Variants in PIDD1 observed in about 807,000 individuals in gnomAD.
The protein encoded by PIDD1 is p53-induced death domain-containing protein 1.
A neutral mutation model predicts 80.0 loss-of-function variants in PIDD1; 72 were observed. The ratio of observed to expected loss-of-function variants is 0.90; its 90% CI spans 0.74 to 1.09. The LOEUF (loss-of-function observed/expected upper bound fraction) is 1.09. PIDD1 is among the 50% of genes least tolerant of loss of function. The probability of loss-of-function intolerance (pLI) is 0.00; values close to 1 mark genes in which losing one functional copy is unlikely to be tolerated. For synonymous variants in PIDD1, 655 were observed against 543.5 expected, an observed-to-expected ratio of 1.21 and a Z score of -2.85; for missense variants, 1,329 against 1,228.3, an observed-to-expected ratio of 1.08 and a Z score of -1.23.
rs1565066374 is a variant in PIDD1 at position 803,318 on chromosome 11, C to T, written c.565G>A (p.Ala189Thr). ...TGCAGGGTGGATAGGGCCCCCAGTG[C>T]TGGGGGCAGCGTCTGCAGGCGGTTG... ...THNRLQTLPP[A>T]LGALSTLQRL... The change falls in exon 3 of 16, where the codon GCA (alanine) becomes ACA (threonine). Residue 189 changes from alanine (A) to threonine (T), a missense_variant. Transcript: ENST00000347755. The T allele has an allele frequency of 6.2e-7, 1 of 1,613,824 alleles. No individual in the cohort carries two copies. The highest frequency in any genetic ancestry group is 1.7e-5 in the Admixed American group (1 of 59,996).
chr11:808,086 G>C (rs1355908489), upstream of PIDD1, among the ~76,000 whole-genome samples: 1 of 151,368 alleles, frequency 6.6e-6, no homozygotes, highest in Non-Finnish European at 1.5e-5. Context: ...GGGGAGCAGG[G>C]AATAGGGACT....
chr11:805,522 C>T (rs1259504073), upstream of PIDD1: 1 of 765,616 alleles, frequency 1.3e-6, no homozygotes, highest in African/African-American at 1.9e-5. Context: ...TTCCGAGGTT[C>T]TCGGGGCCCC....
upstream of PIDD1, among the ~76,000 whole-genome samples, chr11:806,463 G>A (rs111867840): frequency 1.3e-5 from 2 of 152,216 alleles, no homozygotes; most frequent in Admixed American, 1.3e-4. Context: ...CATATCGGCG[G>A]CTCCTTCTTC....
chr11:808,830 G>A (rs1865913951), upstream of PIDD1, among the ~76,000 whole-genome samples: 1 of 152,232 alleles, frequency 6.6e-6, no homozygotes, highest in South Asian at 2.1e-4. Flanking sequence ...ATGATAACGA[G>A]GCCACAGAAG....
chr11:806,440 T>G (rs995534493), upstream of PIDD1, among the ~76,000 whole-genome samples: 1 of 152,218 alleles, frequency 6.6e-6, no homozygotes, highest in Non-Finnish European at 1.5e-5. Flanking sequence ...TATGCCTGCT[T>G]CTTTCCTGAG....
At chr11:804,005 G>GCTGGGA in intron 2 of PIDD1, 89 bp downstream of exon 2, 1 of 1,412,494 alleles carries the variant, frequency 7.1e-7, no homozygotes, top group Non-Finnish European at 9.5e-7. Context: ...TGGAGCTGGG[G>GCTGGGA]CTGGGACTGG....
intron 11 of PIDD1, 23 bp from the exon 12 acceptor site, chr11:800,689 C>A: frequency 6.4e-7 from 1 of 1,567,356 alleles, no homozygotes. Flanking sequence ...CCGTGCAGCT[C>A]AGGACCCAAA....
Position 800,690 on chromosome 11 carries a change from AG to A in PIDD1, c.1918-25del, listed in dbSNP as rs766359496. 2.9e-5 allele frequency: 45 copies of A among 1,566,084 alleles called. 1 individual carries two copies. The Admixed American group carries it at 5.8e-4, about 20-fold the overall frequency. Reference sequence around the variant, plus strand: ...ACCTGCGGGGAAGCCCGTGCAGCTCAGGACCCAAAGCTCTGCACCCCACCCC... The same window carrying A: ...ACCTGCGGGGAAGCCCGTGCAGCTCAGACCCAAAGCTCTGCACCCCACCCC... On this transcript the variant is annotated intron_variant, in intron 11 of 15. Coordinates refer to ENST00000347755, the MANE Select transcript of PIDD1 (RefSeq NM_145886.4).
chr11:802,187 G>A lies in PIDD1; in HGVS notation c.1176+8C>T. The A allele has an allele frequency of 1.3e-6, 2 of 1,596,828 alleles. No individual in the cohort carries two copies. The highest frequency in any genetic ancestry group is 4.5e-5 in the East Asian group (2 of 44,108). ...CCACACACTGCCCCCGCCACGCCCT[G>A]TCCATGCCTGCTGGAAGGCCACCCC... On this transcript the variant is annotated splice_region_variant and intron_variant, in intron 6 of 15. Coordinates refer to ENST00000347755, the MANE Select transcript of PIDD1 (RefSeq NM_145886.4).
chr11:804,039 C>T, intron 2 of PIDD1, 55 bp downstream of exon 2: 1 of 1,531,228 alleles, frequency 6.5e-7, no homozygotes, highest in Non-Finnish European at 8.8e-7. Context: ...GAACATGCAG[C>T]AGAGGCAGGG....
At position 801,379 on chromosome 11, in the gene PIDD1, G is replaced by A. The variant is rs373120465; in HGVS notation, c.1483-14C>T. 59 of 1,603,616 alleles carry A rather than the reference G, an allele frequency of 3.7e-5. No homozygotes were observed. Among genetic ancestry groups the A allele is most frequent in the Non-Finnish European group, 4.9e-5 (57 of 1,175,040 alleles). On this transcript the variant is annotated splice_polypyrimidine_tract_variant and intron_variant, in intron 8 of 15. Transcript: ENST00000347755. ...CATGCGCACCACCTGGGGCAGACAGGCCCCCTGAGCACCTGCCTGTGGGCT... is the reference window on the plus strand; with the variant it reads ...CATGCGCACCACCTGGGGCAGACAGACCCCCTGAGCACCTGCCTGTGGGCT...
upstream of PIDD1, chr11:805,712 A>AAGACCC (rs1001348826): frequency 2.0e-6 from 2 of 983,774 alleles, no homozygotes; most frequent in East Asian, 2.3e-4. Context: ...TGGGCCTGCA[A>AAGACCC]AGACCCTTCC....
In PIDD1 at chr11:802,557, G is replaced by A. The variant is rs922741815; in HGVS notation, c.960C>T (p.Thr320=). 4.6e-5 allele frequency: 74 copies of A among 1,613,310 alleles called. No individual in the cohort carries two copies. Among genetic ancestry groups the A allele is most frequent in the Non-Finnish European group, 5.8e-5 (69 of 1,179,774 alleles). ...CCACCCCATACCTGTCCAAATCTGAGGTCAGGAACAGTCTGGGCATTTCTG... is the reference window on the plus strand; with the variant it reads ...CCACCCCATACCTGTCCAAATCTGAAGTCAGGAACAGTCTGGGCATTTCTG... ...LIPEMPRLFL[T]SDLDSFPVTP... The change falls in exon 5 of 16, where the codon ACC becomes ACT. Residue 320 remains threonine (T), a synonymous_variant. Transcript: ENST00000347755.
chr11:802,604 A>G lies in PIDD1; in HGVS notation c.920-7T>C, dbSNP rs755815989. On this transcript the variant is annotated splice_region_variant and splice_polypyrimidine_tract_variant and intron_variant, in intron 4 of 15. Transcript: ENST00000347755. Reference sequence around the variant, plus strand: ...TCTGGAATGAGGGCTGCCACTGTGCAGGGGACAGACATGTGCTCAGGACAG... The same window carrying G: ...TCTGGAATGAGGGCTGCCACTGTGCGGGGGACAGACATGTGCTCAGGACAG... 1 of 1,612,760 alleles carries G rather than the reference A, an allele frequency of 6.2e-7. No homozygotes were observed. The highest frequency in any genetic ancestry group is 8.5e-7 in the Non-Finnish European group (1 of 1,179,482).
Position 804,395 on chromosome 11 carries a change from C to T in PIDD1, c.-7G>A, listed in dbSNP as rs768684279. 2 of 1,581,202 alleles carry T rather than the reference C, an allele frequency of 1.3e-6. No individual in the cohort carries two copies. The highest frequency in any genetic ancestry group is 2.3e-5 in the South Asian group (2 of 87,834). Reference sequence around the variant, plus strand: ...CCTCCACCGTTGCAGCCATCGCCCACCGACGGTCCTTGGAGGCCAGACATG... The same window carrying T: ...CCTCCACCGTTGCAGCCATCGCCCATCGACGGTCCTTGGAGGCCAGACATG... On this transcript the variant is annotated 5_prime_UTR_variant, in exon 2 of 16. It adds an upstream start codon to the 5' untranslated region. Coordinates refer to ENST00000347755, the MANE Select transcript of PIDD1 (RefSeq NM_145886.4).
upstream of PIDD1, among the ~76,000 whole-genome samples, chr11:806,460 G>C (rs1865776479): frequency 6.6e-6 from 1 of 152,184 alleles, no homozygotes; most frequent in Non-Finnish European, 1.5e-5. Context: ...GGTCATATCG[G>C]CGGCTCCTTC....
At position 802,798 on chromosome 11, in the gene PIDD1, A is replaced by T; in HGVS notation, c.803T>A (p.Leu268His). The change falls in exon 4 of 16, where the codon CTC (leucine) becomes CAC (histidine). Residue 268 changes from leucine to histidine, a missense_variant. Leu to His is a moderately conservative substitution (Grantham distance 99, BLOSUM62 -3). Coordinates refer to ENST00000347755, the MANE Select transcript of PIDD1 (RefSeq NM_145886.4). Reference sequence around the variant, plus strand: ...CCGGAGCTGGTTGTCCCTCAGGTCGAGCCGGGTGAGGAGTGGAAGGCGGGC... The same window carrying T: ...CCGGAGCTGGTTGTCCCTCAGGTCGTGCCGGGTGAGGAGTGGAAGGCGGGC... ...DLARLPLLTRLDLRDNQLRDL... is the reference protein window; with the variant it reads ...DLARLPLLTRHDLRDNQLRDL... The T allele has an allele frequency of 6.2e-7, 1 of 1,605,364 alleles. No individual in the cohort carries two copies. Among genetic ancestry groups the T allele is most frequent in the Non-Finnish European group, 8.5e-7 (1 of 1,176,692 alleles).
chr11:800,730 C>T (rs1865225779), intron 11 of PIDD1, 32 bp downstream of exon 11: 6 of 1,545,926 alleles, frequency 3.9e-6, no homozygotes, highest in South Asian at 1.2e-5. Flanking sequence ...CCTCTGGTCA[C>T]CACCCTGCTG....
At chr11:801,741 G>GA (rs754923360) in intron 7 of PIDD1, 117 bp from the exon 8 acceptor site, 3 of 989,998 alleles carry the variant, frequency 3.0e-6, no homozygotes, top group South Asian at 1.4e-5. Context: ...GGGACACAGG[G>GA]AGCAGGATCC....
Sources: allele counts gnomAD v4.1 joint callset (sites outside exome capture counted in the v4.1 genomes callset), GRCh38; gene constraint gnomAD v4.1.1; transcripts MANE v1.5; gene names NCBI Gene and HGNC (gene_info 2026-07-23, HGNC 2026-07-21).